The following NAALADL2 variants were observed in gnomAD, a reference collection of about 807,000 sequenced individuals.
NAALADL2 encodes the protein N-acetylated alpha-linked acidic dipeptidase like 2, also known as inactive N-acetylated-alpha-linked acidic dipeptidase-like protein 2.
NAALADL2 carries 76 observed loss-of-function variants against 87.2 expected under a neutral mutation model. The observed-to-expected ratio is 0.87, with a 90% CI of 0.72 to 1.05. NAALADL2 has a LOEUF of 1.05. Among genes scored for constraint, NAALADL2 ranks in the 50% least tolerant of loss-of-function variants. The pLI is 0.00. For synonymous variants in NAALADL2, 354 were observed against 331.0 expected (o/e 1.07, Z -0.75); for missense variants, 1,089 against 945.8 (o/e 1.15, Z -1.99).
At chr3:175,579,629 G>C (rs1308980863) in intron 10 of NAALADL2, among the ~76,000 whole-genome samples, 1 of 152,126 alleles carries the variant, frequency 6.6e-6, no homozygotes, top group Non-Finnish European at 1.5e-5. Flanking sequence ...CCAGTTGTAA[G>C]CTTCATTTAA....
At chr3:175,316,554 G>A (rs190236025) in intron 4 of NAALADL2, among the ~76,000 whole-genome samples, 152 of 152,250 alleles carry the variant, frequency 1.0e-3, no homozygotes, top group African/African-American at 3.4e-3. Context: ...AGACCCCCAT[G>A]TAGTCATCGT....
chr3:175,243,362 G>A (rs889330328), intron 3 of NAALADL2, among the ~76,000 whole-genome samples: 6 of 147,358 alleles, frequency 4.1e-5, no homozygotes, highest in East Asian at 2.0e-4. Context: ...ACACACACAC[G>A]CCAGCACAAA....
At chr3:175,188,555 AC>A (rs1737676061) in intron 2 of NAALADL2, among the ~76,000 whole-genome samples, 1 of 152,138 alleles carries the variant, frequency 6.6e-6, no homozygotes, top group Non-Finnish European at 1.5e-5. Context: ...CAGAGACATG[AC>A]TGAGCTGTGC....
intron 9 of NAALADL2, among the ~76,000 whole-genome samples, chr3:175,528,080 C>T (rs1032086389): frequency 3.0e-4 from 45 of 151,792 alleles, no homozygotes; most frequent in East Asian, 9.7e-4. Flanking sequence ...GTGAAGTTCT[C>T]GGAGAAGGAA....
At chr3:175,173,919 A>C (rs1444844338) in intron 2 of NAALADL2, among the ~76,000 whole-genome samples, 1 of 152,232 alleles carries the variant, frequency 6.6e-6, no homozygotes, top group African/African-American at 2.4e-5. Flanking sequence ...TTTTAATAAC[A>C]GACTTGAGAA....
chr3:175,199,864 A>AT (rs869050569), intron 2 of NAALADL2, among the ~76,000 whole-genome samples: 8 of 13,050 alleles, frequency 6.1e-4, no homozygotes, highest in African/African-American at 1.4e-3. Flanking sequence ...ATATATATAT[A>AT]TTTTTTTTTT....
intron 4 of NAALADL2, among the ~76,000 whole-genome samples, chr3:175,300,141 T>C (rs1406979671): frequency 6.6e-6 from 1 of 152,232 alleles, no homozygotes; most frequent in East Asian, 1.9e-4. Flanking sequence ...TGAAGCTGAC[T>C]TGATCGTGGT....
intron 2 of NAALADL2, among the ~76,000 whole-genome samples, chr3:174,715,800 G>T (rs1731130999): frequency 6.6e-6 from 1 of 152,114 alleles, no homozygotes; most frequent in Non-Finnish European, 1.5e-5. Flanking sequence ...GGATAGAGGG[G>T]TGGTGTGGGG....
intron 5 of NAALADL2, among the ~76,000 whole-genome samples, chr3:175,363,320 AT>A (rs536024856): frequency 4.8e-5 from 7 of 146,466 alleles, no homozygotes; most frequent in South Asian, 2.2e-4. Context: ...TTTTTGGTGC[AT>A]TTTTTTCCAT....
At chr3:174,936,338 T>TA (rs1737680154) in intron 1 of NAALADL2, among the ~76,000 whole-genome samples, 1 of 152,062 alleles carries the variant, frequency 6.6e-6, no homozygotes, top group Non-Finnish European at 1.5e-5. Flanking sequence ...GAATTATTTC[T>TA]TATATAATAA....
chr3:174,713,729 A>C (rs1578650716), intron 2 of NAALADL2, among the ~76,000 whole-genome samples: 1 of 150,868 alleles, frequency 6.6e-6, no homozygotes, highest in Admixed American at 6.6e-5. Context: ...GATTGCAAAA[A>C]TTTTCTCCCA....
rs578014874 is a variant in NAALADL2, at chr3:175,688,215, C to T, written c.1897-49091C>T. On this transcript the variant is annotated intron_variant, in intron 11 of 13. Transcript: ENST00000454872. ...TTAGGTAGGATGAGAAATTAATGAA[C>T]GACCTCTTGCTGGTGCTCGTGACCC... 7.9e-5 allele frequency among the ~76,000 whole-genome samples: 12 copies of T among 152,206 alleles called. No homozygotes were observed. The South Asian group carries it at 1.9e-3, about 24-fold the overall frequency.
intron 1 of NAALADL2, among the ~76,000 whole-genome samples, chr3:175,037,955 T>C (rs1753619038): frequency 6.6e-6 from 1 of 152,100 alleles, no homozygotes; most frequent in South Asian, 2.1e-4. Context: ...GAGCGTGGAT[T>C]TAAAAAGCCG....
chr3:174,453,120 A>AT (rs1715594099), intron 1 of NAALADL2, among the ~76,000 whole-genome samples: 1 of 152,234 alleles, frequency 6.6e-6, no homozygotes, highest in South Asian at 2.1e-4. Context: ...AAAACACACT[A>AT]TAAGAATTTT....
intron 9 of NAALADL2, among the ~76,000 whole-genome samples, chr3:175,504,474 G>T (rs1025915751): frequency 8.6e-5 from 13 of 151,958 alleles, no homozygotes; most frequent in Admixed American, 3.9e-4. Context: ...AAAATGAAAT[G>T]ATGTCATCAG....
At chr3:175,257,592 G>T (rs142812258) in intron 4 of NAALADL2, among the ~76,000 whole-genome samples, 6 of 151,642 alleles carry the variant, frequency 4.0e-5, no homozygotes, top group Non-Finnish European at 8.9e-5. Context: ...GGGTCAGGGT[G>T]GGGGGGCACA....
At chr3:174,527,655 A>G (rs1720886432) in intron 1 of NAALADL2, among the ~76,000 whole-genome samples, 1 of 152,156 alleles carries the variant, frequency 6.6e-6, no homozygotes, top group South Asian at 2.1e-4. Context: ...GAGCTTAGGA[A>G]GAGATTTGTC....
intron 2 of NAALADL2, among the ~76,000 whole-genome samples, chr3:174,622,185 C>T (rs1721075722): frequency 6.6e-6 from 1 of 152,136 alleles, no homozygotes; most frequent in South Asian, 2.1e-4. Context: ...TGCCTCTTAG[C>T]TGGGCAAATG....
intron 11 of NAALADL2, among the ~76,000 whole-genome samples, chr3:175,661,283 A>G (rs536306594): frequency 6.7e-6 from 1 of 149,576 alleles, no homozygotes; most frequent in East Asian, 2.0e-4. Context: ...CCTGTTGATG[A>G]TTTGTATTTG....
Sources: allele counts gnomAD v4.1 joint callset (sites outside exome capture counted in the v4.1 genomes callset), GRCh38; gene constraint gnomAD v4.1.1; transcripts MANE v1.5; gene names NCBI Gene and HGNC (gene_info 2026-07-23, HGNC 2026-07-21).